NSD2: variants seen among roughly 807,000 people sequenced by gnomAD.
NSD2 encodes the protein histone-lysine N-methyltransferase NSD2.
NSD2 carries 12 observed loss-of-function variants against 139.0 expected under a neutral mutation model. The observed-to-expected ratio is 0.09, with a 90% CI of 0.06 to 0.14. NSD2 has a LOEUF of 0.14. Ranked by LOEUF, NSD2 falls within the 10% of genes least tolerant of loss-of-function variation. The pLI is 1.00. For synonymous variants in NSD2, 669 were observed against 648.7 expected (o/e 1.03, Z -0.48); for missense variants, 1,155 against 1,745.0 (o/e 0.66, Z 6.02).
intron 18 of NSD2, among the ~76,000 whole-genome samples, chr4:1,966,348 T>C (rs966909851): frequency 4.0e-5 from 4 of 100,844 alleles, no homozygotes; most frequent in Non-Finnish European, 8.1e-5. Flanking sequence ...ATTTGTTTGT[T>C]TGTTGTCTGC....
chr4:1,895,087 C>T (rs918559039), intron 1 of NSD2, among the ~76,000 whole-genome samples: 8 of 152,174 alleles, frequency 5.3e-5, no homozygotes, highest in African/African-American at 1.7e-4. Context: ...CTTCAAGATT[C>T]GTCCATATTG....
chr4:1,928,352 G>A (rs1403035775), intron 5 of NSD2, among the ~76,000 whole-genome samples: 3 of 152,188 alleles, frequency 2.0e-5, no homozygotes, highest in African/African-American at 7.2e-5. Context: ...CTGCTTTATA[G>A]CTGGCTAACC....
At chr4:1,929,251 G>A (rs542859056) in intron 5 of NSD2, among the ~76,000 whole-genome samples, 2 of 152,214 alleles carry the variant, frequency 1.3e-5, no homozygotes, top group African/African-American at 2.4e-5. Context: ...ATAAGAAGCC[G>A]TCTGTGGTGA....
At position 1,901,243 on chromosome 4, in the gene NSD2, G is replaced by C; in HGVS notation, c.589G>C (p.Asp197His). The C allele has an allele frequency of 6.4e-7, 1 of 1,569,096 alleles. No individual in the cohort carries two copies. The highest frequency in any genetic ancestry group is 1.4e-5 in the African/African-American group (1 of 73,188). The change falls in exon 2 of 22, where the codon GAT becomes CAT. Residue 197 changes from aspartate (D) to histidine (H), a missense_variant. Around this residue, in one of 8 missense-constraint regions of NSD2, gnomAD observed 246 missense variants for 262.8 expected, o/e 0.94. Coordinates refer to ENST00000508803, the MANE Select transcript of NSD2 (RefSeq NM_001042424.3). ...ALVSKISSPS[D>H]KKIPAKKESC... ...TGTGTCTAAGATCTCAAGTCCTTCA[G>C]ATAAAAAGGTATTTAGGAGACGTTG... is the stretch of plus-strand genomic sequence containing the variant.
intron 9 of NSD2, chr4:1,945,443 CA>C (rs1443667252): frequency 1.9e-6 from 2 of 1,063,920 alleles, no homozygotes; most frequent in African/African-American, 3.3e-5. Flanking sequence ...CTGGGTCTGT[CA>C]CAGAGAAGTT....
chr4:1,956,187 C>T lies in NSD2; in HGVS notation c.2880C>T (p.Asn960=), dbSNP rs1457725275. 3.1e-6 allele frequency: 5 copies of T among 1,603,846 alleles called. No individual in the cohort carries two copies. The highest frequency in any genetic ancestry group is 2.2e-5 in the South Asian group (2 of 89,844). The part of the protein sequence containing the change: ...GVRGIGRVFK[N]ALQEAEARFR... ...GAGGGATCGGAAGAGTCTTCAAAAA[C>T]GGTACGGAGATATTCAGATAGAGAG... The change falls in exon 15 of 22, where the codon AAC becomes AAT. Residue 960 remains asparagine (N), a splice_region_variant and synonymous_variant. Transcript: ENST00000508803. This position sits in a 1 kb window ranked among gnomAD's most constrained non-coding sequence, Gnocchi z 5.3.
chr4:1,953,196 C>T lies in NSD2; in HGVS notation c.2138-128C>T, dbSNP rs779293654. 6.8e-5 allele frequency: 107 copies of T among 1,568,526 alleles called. 1 individual carries two copies. The Admixed American group carries it at 2.0e-3, about 30-fold the overall frequency. On this transcript the variant is annotated intron_variant, in intron 11 of 21. Coordinates refer to ENST00000508803, the MANE Select transcript of NSD2 (RefSeq NM_001042424.3). ...TTGGACTAGTGAGCAAGGTTGGAAA[C>T]AGGGCCAGGTGCTTTAGCAGCATGG...
intron 6 of NSD2, 137 bp downstream of exon 6, chr4:1,930,907 C>A: frequency 1.8e-6 from 2 of 1,096,740 alleles, no homozygotes; most frequent in Non-Finnish European, 2.5e-6. Context: ...GCCAGCGGTC[C>A]AAGTGCGTGT....
chr4:1,912,132 C>A, intron 3 of NSD2: 1 of 403,772 alleles, frequency 2.5e-6, no homozygotes, highest in Admixed American at 2.9e-5. Flanking sequence ...AAAAACAAGT[C>A]AAATTGTACT....
At chr4:1,969,715 A>G (rs1726249450) in intron 18 of NSD2, among the ~76,000 whole-genome samples, 1 of 152,294 alleles carries the variant, frequency 6.6e-6, no homozygotes, top group Admixed American at 6.5e-5. Context: ...AAAACAAACA[A>G]AAACAAAATC....
chr4:1,944,251 T>A, intron 9 of NSD2: 3 of 1,066,170 alleles, frequency 2.8e-6, no homozygotes, highest in Non-Finnish European at 3.4e-6. Flanking sequence ...GAGAGGACCA[T>A]CTCCTGGTTT....
chr4:1,889,882 G>A (rs1303714876), intron 1 of NSD2, among the ~76,000 whole-genome samples: 1 of 151,846 alleles, frequency 6.6e-6, no homozygotes, highest in Non-Finnish European at 1.5e-5. Flanking sequence ...GTACAATTCA[G>A]TGGTGTTTTT....
chr4:1,891,959 A>G (rs1715605582), intron 1 of NSD2, among the ~76,000 whole-genome samples: 1 of 151,724 alleles, frequency 6.6e-6, no homozygotes. Flanking sequence ...AGGAAGGAAT[A>G]GTCTTCCTGC....
intron 3 of NSD2, among the ~76,000 whole-genome samples, chr4:1,911,923 A>G (rs1718747835): frequency 6.6e-6 from 1 of 152,186 alleles, no homozygotes; most frequent in Non-Finnish European, 1.5e-5. Context: ...CTGTGTCATT[A>G]TTTATAAACA....
At chr4:1,884,214 G>A (rs914227715) in intron 1 of NSD2, among the ~76,000 whole-genome samples, 1 of 151,728 alleles carries the variant, frequency 6.6e-6, no homozygotes. Context: ...TCCCACCTCA[G>A]CCTCCCAAGT....
rs186273867 is a variant in NSD2 at position 1,920,374 on chromosome 4, G to A, written c.1410+1751G>A. Among the ~76,000 whole-genome samples, 21 of 151,918 alleles carry A rather than the reference G, an allele frequency of 1.4e-4. No homozygotes were observed. In the East Asian group the frequency reaches 2.2e-3, roughly 16 times the overall value. On this transcript the variant is annotated intron_variant, in intron 5 of 21. Coordinates refer to ENST00000508803, the MANE Select transcript of NSD2 (RefSeq NM_001042424.3). ...CTGAGGCAGGAGAATCACTTGAACC[G>A]GGAGGCCACAGTGAGCTGAAATCAT...
intron 6 of NSD2, among the ~76,000 whole-genome samples, chr4:1,933,917 G>T (rs2108869178): frequency 6.6e-6 from 1 of 152,222 alleles, no homozygotes; most frequent in Admixed American, 6.5e-5. Flanking sequence ...CTAACACATG[G>T]AACAGCTGAG....
chr4:1,920,991 T>A (rs1720043276), intron 5 of NSD2, among the ~76,000 whole-genome samples: 1 of 152,194 alleles, frequency 6.6e-6, no homozygotes. Flanking sequence ...TGAACCATGA[T>A]CATGCCATTG....
At position 1,943,591 on chromosome 4, in the gene NSD2, T is replaced by C. The variant is rs550581767; in HGVS notation, c.1881+3813T>C. 22 of 1,049,850 alleles carry C rather than the reference T, an allele frequency of 2.1e-5. No individual in the cohort carries two copies. The South Asian group carries it at 8.2e-4, about 39-fold the overall frequency. 65.0% of individuals were successfully genotyped at this position (1,049,850 alleles called of 1,614,324 possible). On this transcript the variant is annotated intron_variant, in intron 9 of 21. Coordinates refer to ENST00000508803, the MANE Select transcript of NSD2 (RefSeq NM_001042424.3). ...GCTTTAGGGTGCTGGACTGTATGGC[T>C]GAGGGCTGGTTGGGTTCCTCTATTG... is the stretch of plus-strand genomic sequence containing the variant.
Sources: allele counts gnomAD v4.1 joint callset (sites outside exome capture counted in the v4.1 genomes callset), GRCh38; gene constraint gnomAD v4.1.1; regional missense constraint gnomAD v4.1.1; non-coding constraint Gnocchi (gnomAD v3.1); transcripts MANE v1.5; gene names NCBI Gene and HGNC (gene_info 2026-07-23, HGNC 2026-07-21).